FHAD1: variants seen among roughly 807,000 people sequenced by gnomAD.
FHAD1 encodes the protein forkhead-associated domain-containing protein 1.
FHAD1 carries 146 observed loss-of-function variants against 191.3 expected under a neutral mutation model. The observed-to-expected ratio is 0.76, with a 90% CI of 0.67 to 0.88. The LOEUF is 0.88. Ranked by LOEUF, FHAD1 falls within the 40% of genes least tolerant of loss-of-function variation. The pLI is 0.00. For synonymous variants in FHAD1, 616 were observed against 672.3 expected (o/e 0.92, Z 1.29); for missense variants, 1,635 against 1,785.8 (o/e 0.92, Z 1.52).
rs1469614775 is a variant in FHAD1 at position 15,289,624 on chromosome 1, T to A, written c.526T>A (p.Phe176Ile). ...GAGCGCCAACAAGGAGATGTTCTCG[T>A]TCGTGGTGGACGACGCCCGCAAGCC... ...PVSANKEMFS[F>I]VVDDARKPPV... Residue 176 changes from phenylalanine to isoleucine, a missense_variant, in exon 4 of 34, where the codon TTC becomes ATC. Physicochemically the swap from Phe to Ile is conservative, Grantham distance 21. Coordinates refer to ENST00000688493, the MANE Select transcript of FHAD1 (RefSeq NM_001391957.1). This position sits in a 1 kb window ranked among gnomAD's most constrained non-coding sequence, Gnocchi z 4.2. 1.3e-6 allele frequency: 2 copies of A among 1,551,422 alleles called. No homozygotes were observed. The highest frequency in any genetic ancestry group is 1.7e-6 in the Non-Finnish European group (2 of 1,146,724).
chr1:15,273,225 T>C (rs1656883433), intron 3 of FHAD1, among the ~76,000 whole-genome samples: 1 of 152,228 alleles, frequency 6.6e-6, no homozygotes, highest in Admixed American at 6.5e-5. Flanking sequence ...AAGTATTATT[T>C]GTAGTGGCAT....
In FHAD1 at chr1:15,329,969, ATGG is replaced by A. The variant is rs1385009551; in HGVS notation, c.1906+429_1906+431del. On this transcript the variant is annotated intron_variant, in intron 14 of 33. Coordinates refer to ENST00000688493, the MANE Select transcript of FHAD1 (RefSeq NM_001391957.1). The surrounding 1 kb of genome is among the most constrained non-coding windows in gnomAD (Gnocchi z 5.0). The stretch of plus-strand genomic sequence containing the variant: ...TGTGATCATTAAAATGCATGAATAT[ATGG>A]AAAGTACTTGGAATAGTACCTGGCA... 1 of 164,494 alleles carries A rather than the reference ATGG, an allele frequency of 6.1e-6. No homozygotes were observed. Among genetic ancestry groups the A allele is most frequent in the African/African-American group, 2.4e-5 (1 of 41,914 alleles). The allele number at this position is 164,494 out of a possible 1,614,324, so 10.2% of individuals were successfully genotyped here.
At position 15,329,492 on chromosome 1, in the gene FHAD1, G is replaced by A. The variant is rs931224336; in HGVS notation, c.1857G>A (p.Val619=). 59 of 1,551,018 alleles carry A rather than the reference G, an allele frequency of 3.8e-5. No individual in the cohort carries two copies. The highest frequency in any genetic ancestry group is 1.2e-4 in the Admixed American group (6 of 50,990). ...ACGCGCTGTCCTGGCTGGAGGAGGT[G>A]GAGCAGCTCCTCCGGGACCTCGGGA... ...LRHALSWLEE[V]EQLLRDLGIL... Residue 619 remains valine (V), a synonymous_variant, in exon 14 of 34, where the codon GTG becomes GTA. Transcript: ENST00000688493. This position sits in a 1 kb window ranked among gnomAD's most constrained non-coding sequence, Gnocchi z 5.0.
intron 14 of FHAD1, among the ~76,000 whole-genome samples, chr1:15,336,035 C>T (rs1683914212): frequency 6.6e-6 from 1 of 152,206 alleles, no homozygotes; most frequent in African/African-American, 2.4e-5. Flanking sequence ...CCGGCCATCT[C>T]ACCTCCTCCG....
chr1:15,331,190 G>A (rs951358831), intron 14 of FHAD1, among the ~76,000 whole-genome samples: 1 of 152,044 alleles, frequency 6.6e-6, no homozygotes, highest in African/African-American at 2.4e-5. Context: ...GGAGTGTGAG[G>A]TGCCTGTGAG....
chr1:15,243,287 G>A (rs1181602397), upstream of FHAD1, among the ~76,000 whole-genome samples: 1 of 151,766 alleles, frequency 6.6e-6, no homozygotes. Flanking sequence ...ATAAAAATCT[G>A]TACTTTCTAA....
chr1:15,249,609 A>G (rs2489670), intron 1 of FHAD1, among the ~76,000 whole-genome samples: 44,339 of 152,168 alleles, frequency 0.29, 7,510 homozygotes, highest in Non-Finnish European at 0.39. Context: ...CGGAATTTAC[A>G]AACATAAACT....
intron 3 of FHAD1, among the ~76,000 whole-genome samples, chr1:15,285,933 G>C (rs1048609949): frequency 6.6e-6 from 1 of 152,202 alleles, no homozygotes; most frequent in Non-Finnish European, 1.5e-5. Context: ...TGTGCTAAGT[G>C]AAATAAACCA....
At chr1:15,258,611 G>A (rs965221895) in intron 2 of FHAD1, among the ~76,000 whole-genome samples, 1 of 149,282 alleles carries the variant, frequency 6.7e-6, no homozygotes, top group African/African-American at 2.5e-5. Flanking sequence ...TGGAGTCAGA[G>A]TCTCGCTCTG....
chr1:15,274,355 C>A (rs1243003795), intron 3 of FHAD1, among the ~76,000 whole-genome samples: 1 of 152,150 alleles, frequency 6.6e-6, no homozygotes. Context: ...CACCTGTAAT[C>A]CCAGCACTTT....
chr1:15,336,380 A>G (rs577239901), intron 14 of FHAD1, among the ~76,000 whole-genome samples: 2 of 151,984 alleles, frequency 1.3e-5, no homozygotes, highest in Admixed American at 1.3e-4. Context: ...ACACAAGAAC[A>G]TGTTCTCCTC....
rs559570489 is a variant in FHAD1 at position 15,379,984 on chromosome 1, G to C, written c.3706-717G>C. Reference sequence around the variant, plus strand: ...CTCTTGCTTTTCCCCACACTGAAGTGATGCTCACCCACCATCTGCATCATC... The same window carrying C: ...CTCTTGCTTTTCCCCACACTGAAGTCATGCTCACCCACCATCTGCATCATC... On this transcript the variant is annotated intron_variant, in intron 28 of 33. Transcript: ENST00000688493. Among the ~76,000 whole-genome samples the C allele has an allele frequency of 8.5e-5, 13 of 152,310 alleles. No homozygotes were observed. In the South Asian group the frequency reaches 2.5e-3, roughly 29 times the overall value.
At chr1:15,369,649 T>C in intron 26 of FHAD1, 147 bp downstream of exon 26, 1 of 920,086 alleles carries the variant, frequency 1.1e-6, no homozygotes, top group Non-Finnish European at 1.6e-6. Flanking sequence ...CGCAGAATAC[T>C]GCCTCTTTAG....
chr1:15,350,324 G>A (rs1690414179), intron 19 of FHAD1, among the ~76,000 whole-genome samples: 1 of 152,222 alleles, frequency 6.6e-6, no homozygotes, highest in Non-Finnish European at 1.5e-5. Flanking sequence ...CTGAGAAGCA[G>A]GCTGGAGAGT....
rs183874678 is a variant in FHAD1 at position 15,345,267 on chromosome 1, G to A, written c.2238+77G>A. ...GGGTGGATCTGGGGCTCTGGTCTGG[G>A]CCCGCCGGCTCTGAGCTCCAGGGCT... is the stretch of plus-strand genomic sequence containing the variant. On this transcript the variant is annotated intron_variant, in intron 17 of 33. Transcript: ENST00000688493. 1,112 of 1,407,666 alleles carry A rather than the reference G, an allele frequency of 7.9e-4. 5 individuals are homozygous for A. The African/African-American group carries it at 0.014, about 18-fold the overall frequency. The allele number at this position is 1,407,666 out of a possible 1,614,324, so 87.2% of individuals were successfully genotyped here. A position where few individuals can be genotyped will look rare whatever the true frequency, so the allele number is the denominator to read the frequency against.
chr1:15,340,209 TAAAAG>T (rs1201177232), intron 15 of FHAD1, among the ~76,000 whole-genome samples: 2 of 152,226 alleles, frequency 1.3e-5, no homozygotes, highest in Non-Finnish European at 2.9e-5. Flanking sequence ...GCAGAATTAC[TAAAAG>T]AAAAGAAATA....
Position 15,329,307 on chromosome 1 carries a change from C to A in FHAD1, c.1711-39C>A. ...GGTCACGTCAGGGGCTATTTCTGGC[C>A]ACAGGGCCTGGGCTCCTCATGATCT... On this transcript the variant is annotated intron_variant, in intron 13 of 33. Coordinates refer to ENST00000688493, the MANE Select transcript of FHAD1 (RefSeq NM_001391957.1). The surrounding 1 kb of genome is among the most constrained non-coding windows in gnomAD (Gnocchi z 5.0). The A allele has an allele frequency of 6.7e-7, 1 of 1,488,296 alleles. No homozygotes were observed. The highest frequency in any genetic ancestry group is 9.0e-7 in the Non-Finnish European group (1 of 1,105,360). The allele number at this position is 1,488,296 out of a possible 1,614,324, so 92.2% of individuals were successfully genotyped here. A position where few individuals can be genotyped will look rare whatever the true frequency, so the allele number is the denominator to read the frequency against.
chr1:15,368,085 C>A (rs1309058286), intron 25 of FHAD1, among the ~76,000 whole-genome samples: 2 of 152,172 alleles, frequency 1.3e-5, no homozygotes, highest in African/African-American at 2.4e-5. Context: ...CATTCTCTTG[C>A]CTCAGCCTCT....
chr1:15,262,378 T>C (rs928960319), intron 2 of FHAD1, among the ~76,000 whole-genome samples: 2 of 152,194 alleles, frequency 1.3e-5, no homozygotes, highest in Admixed American at 1.3e-4. Flanking sequence ...ATTATCTCTG[T>C]TTACAGATGA....
Sources: gnomAD v4.1 joint callset for allele counts (sites outside exome capture counted in the v4.1 genomes callset) on GRCh38, gnomAD v4.1.1 for gene constraint, Gnocchi (gnomAD v3.1) non-coding constraint, MANE v1.5 for transcripts, NCBI Gene and HGNC (gene_info 2026-07-23, HGNC 2026-07-21) for gene names.